The following PDXDC1 variants were observed in gnomAD, a reference collection of about 807,000 sequenced individuals.
PDXDC1 encodes the protein pyridoxal-dependent decarboxylase domain-containing protein 1.
In PDXDC1, 42 loss-of-function variants were observed where a neutral mutation model predicts 100.1. That is an observed-to-expected ratio of 0.42 (90% CI 0.33 to 0.54). PDXDC1 has a LOEUF of 0.54. Among genes scored for constraint, PDXDC1 ranks in the 20% least tolerant of loss-of-function variants. PDXDC1 has a pLI of 0.10. For missense variants in PDXDC1, 636 were observed against 979.2 expected, an observed-to-expected ratio of 0.65 and a Z score of 4.68; for synonymous variants, 260 against 371.7, an observed-to-expected ratio of 0.70 and a Z score of 3.46.
intron 16 of PDXDC1, among the ~76,000 whole-genome samples, chr16:15,062,857 C>T (rs978228148): frequency 1.3e-5 from 2 of 152,172 alleles, no homozygotes; most frequent in African/African-American, 2.4e-5. Flanking sequence ...GAGTAAGACA[C>T]GGTTTTGGTG....
At chr16:15,002,357 AT>A (rs1642232734) in intron 4 of PDXDC1, among the ~76,000 whole-genome samples, 1 of 152,286 alleles carries the variant, frequency 6.6e-6, no homozygotes, top group Non-Finnish European at 1.5e-5. Context: ...TTTCTTGTGT[AT>A]TCTTCCAGAG....
At chr16:15,135,857 A>G (rs530161180) in intron 16 of PDXDC1, 3 of 1,524,476 alleles carry the variant, frequency 2.0e-6, no homozygotes, top group African/African-American at 1.3e-5. Flanking sequence ...CGTGTCCCCA[A>G]ATGACACGAC....
At position 15,036,071 on chromosome 16, in the gene PDXDC1, C is replaced by CTG; in HGVS notation, c.2164_2165insGT (p.Ser722CysfsTer9). The CTG allele has an allele frequency of 6.2e-7, 1 of 1,614,124 alleles. No individual in the cohort carries two copies. The highest frequency in any genetic ancestry group is 8.5e-7 in the Non-Finnish European group (1 of 1,179,984). On this transcript the variant is annotated frameshift_variant, in exon 23 of 23. Transcript: ENST00000396410. LOFTEE classifies it low-confidence loss of function (END_TRUNC). ...GTTCAGATGCTTTGAGTGAGACCAG[C>CTG]TCAGTCAGTCACATTGAAGACTTAG...
chr16:15,057,160 C>G (rs1338887170), intron 16 of PDXDC1, among the ~76,000 whole-genome samples: 1 of 152,168 alleles, frequency 6.6e-6, no homozygotes, highest in Non-Finnish European at 1.5e-5. Context: ...ATAAATCTCC[C>G]CCTCAGCTTA....
chr16:15,106,430 C>G (rs952388291), intron 16 of PDXDC1: 7 of 627,008 alleles, frequency 1.1e-5, no homozygotes, highest in South Asian at 2.0e-5. Context: ...CAATCTATCT[C>G]TACCTAGAAA....
rs753931847 is a variant in PDXDC1 at position 15,038,073 on chromosome 16, A to AT, written c.*1806dup. 17 of 1,602,986 alleles carry AT rather than the reference A, an allele frequency of 1.1e-5. No homozygotes were observed. The highest frequency in any genetic ancestry group is 2.2e-5 in the East Asian group (1 of 44,706). On this transcript the variant is annotated 3_prime_UTR_variant, in exon 23 of 23. Transcript: ENST00000396410. ...AGATCTTTTCCCACAAGCCATCTTC[A>AT]TTTTTTTTGTAGAGTAGGGCTTTAT... is the stretch of plus-strand genomic sequence containing the variant.
intron 16 of PDXDC1, among the ~76,000 whole-genome samples, chr16:15,129,104 C>T (rs967451824): frequency 2.0e-5 from 3 of 151,566 alleles, no homozygotes; most frequent in Non-Finnish European, 4.4e-5. Context: ...CGCGCCCGGC[C>T]GACAGTTTTT....
intron 8 of PDXDC1, among the ~76,000 whole-genome samples, chr16:15,015,240 C>G (rs983298698): frequency 6.6e-6 from 1 of 152,220 alleles, no homozygotes; most frequent in African/African-American, 2.4e-5. Flanking sequence ...TGTGCCCAGC[C>G]CACCTATATG....
chr16:15,081,868 CA>C (rs2045718568), intron 16 of PDXDC1, among the ~76,000 whole-genome samples: 1 of 152,172 alleles, frequency 6.6e-6, no homozygotes, highest in South Asian at 2.1e-4. Flanking sequence ...CATTCTTTTG[CA>C]TGTTCATATC....
chr16:15,101,374 T>A (rs1195108460), intron 16 of PDXDC1, among the ~76,000 whole-genome samples: 1 of 152,202 alleles, frequency 6.6e-6, no homozygotes, highest in Admixed American at 6.5e-5. Flanking sequence ...CGGACTGCAG[T>A]GGCACGATCT....
At chr16:15,125,760 GT>G in intron 16 of PDXDC1, 1 of 1,516,322 alleles carries the variant, frequency 6.6e-7, no homozygotes, top group South Asian at 1.1e-5. Context: ...AGCTGTCGAT[GT>G]CCAGCACCTG....
At chr16:15,148,615 C>T in the PDXDC1 span, among the ~76,000 whole-genome samples, 1 of 151,420 alleles carries the variant, frequency 6.6e-6, no homozygotes, top group Non-Finnish European at 1.5e-5. Context: ...AACTCCTGGG[C>T]TCAAGCGATC....
chr16:15,137,285 G>A, intron 16 of PDXDC1: 1 of 850,280 alleles, frequency 1.2e-6, no homozygotes, highest in Non-Finnish European at 1.8e-6. Context: ...GAGGAGGGTG[G>A]GGCCCCTACA....
Position 15,132,824 on chromosome 16 carries a change from C to T in PDXDC1, c.1400-6055C>T, listed in dbSNP as rs528513983. ...GATGTTCTTGCGTATCTGGGCTCGG[C>T]GCTGCCGCTCGTGCTTGGGCTCTGC... On this transcript the variant is annotated intron_variant, in intron 16 of 16. Transcript: ENST00000535621. The T allele has an allele frequency of 6.7e-5, 100 of 1,498,726 alleles. No individual in the cohort carries two copies. The African/African-American group carries it at 8.8e-4, about 13-fold the overall frequency. 92.8% of individuals were successfully genotyped at this position (1,498,726 alleles called of 1,614,324 possible). A position where few individuals can be genotyped will look rare whatever the true frequency, so the allele number is the denominator to read the frequency against.
At chr16:15,084,153 G>T (rs2045819715) in intron 16 of PDXDC1, among the ~76,000 whole-genome samples, 1 of 152,178 alleles carries the variant, frequency 6.6e-6, no homozygotes, top group Non-Finnish European at 1.5e-5. Context: ...CACTTTTGCT[G>T]ACATTTCCCA....
chr16:15,094,151 C>G, intron 16 of PDXDC1: 1 of 1,598,220 alleles, frequency 6.3e-7, no homozygotes, highest in Non-Finnish European at 8.5e-7. Flanking sequence ...TTACCCAGTC[C>G]TCGACGCGCC....
chr16:15,133,170 G>A (rs1442927556), intron 16 of PDXDC1: 2 of 924,952 alleles, frequency 2.2e-6, no homozygotes, highest in Non-Finnish European at 1.7e-6. Context: ...TGGGGCCCGG[G>A]ATAAGCCCTC....
intron 19 of PDXDC1, 91 bp downstream of exon 19, chr16:15,033,490 T>C: frequency 7.1e-7 from 1 of 1,412,384 alleles, no homozygotes; most frequent in Non-Finnish European, 9.9e-7. Context: ...CCTTGGGATG[T>C]CTGTTCGTTG....
chr16:15,019,078 C>T lies in PDXDC1; in HGVS notation c.1089+113C>T, dbSNP rs375160513. On this transcript the variant is annotated intron_variant, in intron 12 of 22. Coordinates refer to ENST00000396410, the MANE Select transcript of PDXDC1 (RefSeq NM_015027.4). ...GTGGTGTTGTCTGGATTGACTGTCT[C>T]GTGAGCCAGAGACTAATCGCCCTGC... 424 of 1,509,548 alleles carry T rather than the reference C, an allele frequency of 2.8e-4. 6 individuals carry two copies. The East Asian group carries it at 6.0e-3, about 21-fold the overall frequency. The allele number at this position is 1,509,548 out of a possible 1,614,324, so 93.5% of individuals were successfully genotyped here.
Sources: gnomAD v4.1 joint callset for allele counts (sites outside exome capture counted in the v4.1 genomes callset) on GRCh38, gnomAD v4.1.1 for gene constraint, MANE v1.5 for transcripts, NCBI Gene and HGNC (gene_info 2026-07-23, HGNC 2026-07-21) for gene names.